The following TMC1 variants were observed in gnomAD, a reference collection of about 807,000 sequenced individuals.
TMC1 encodes the protein transmembrane channel-like protein 1.
In TMC1, 84 loss-of-function variants were observed where a neutral mutation model predicts 105.8. That is an observed-to-expected ratio of 0.79 (90% confidence interval 0.67 to 0.95). TMC1 has a LOEUF of 0.95. Among genes scored for constraint, TMC1 ranks in the 40% least tolerant of loss-of-function variants. The probability of loss-of-function intolerance (pLI) is 0.00; values close to 1 mark genes in which losing one functional copy is unlikely to be tolerated. For synonymous variants in TMC1, 315 were observed against 311.5 expected (o/e 1.01, Z -0.12); for missense variants, 817 against 914.1 (o/e 0.89, Z 1.37).
rs138999071 is a variant in TMC1 at position 72,744,126 on chromosome 9, A to G, written c.535+1601A>G. 6.9e-4 allele frequency among the ~76,000 whole-genome samples: 105 copies of G among 152,342 alleles called. 1 individual carries two copies. The highest frequency in any genetic ancestry group is 2.5e-3 in the African/African-American group (102 of 41,590). On this transcript the variant is annotated intron_variant, in intron 10 of 23. Coordinates refer to ENST00000297784, the MANE Select transcript of TMC1 (RefSeq NM_138691.3). ...TCTCAATATCAGATGGGAATTATTA[A>G]GTGGCAATGAATTAAAATACATCAG... is the stretch of plus-strand genomic sequence containing the variant.
At chr9:72,566,146 G>C (rs1824148859) in intron 1 of TMC1, among the ~76,000 whole-genome samples, 3 of 152,164 alleles carry the variant, frequency 2.0e-5, no homozygotes, top group Admixed American at 1.3e-4. Flanking sequence ...CCTCCCTTCT[G>C]AGTAGCTGGG....
At chr9:72,655,878 C>T in intron 5 of TMC1, 1 of 769,216 alleles carries the variant, frequency 1.3e-6, no homozygotes, top group South Asian at 1.3e-5. Context: ...TGGCTCAATA[C>T]TGATGGAAGT....
intron 1 of TMC1, among the ~76,000 whole-genome samples, chr9:72,546,177 C>T (rs1344511940): frequency 1.3e-5 from 2 of 151,802 alleles, no homozygotes; most frequent in African/African-American, 4.8e-5. Context: ...TCTGTAATCC[C>T]AGCTACTTGA....
intron 5 of TMC1, among the ~76,000 whole-genome samples, chr9:72,649,183 G>A (rs1259190248): frequency 2.6e-5 from 4 of 152,216 alleles, no homozygotes; most frequent in Admixed American, 2.6e-4. Flanking sequence ...AATGAGCAAC[G>A]TGATAAAACA....
At chr9:72,804,464 C>T (rs981650277) in intron 17 of TMC1, among the ~76,000 whole-genome samples, 2 of 152,146 alleles carry the variant, frequency 1.3e-5, no homozygotes, top group South Asian at 2.1e-4. Context: ...TCCAGCATCA[C>T]GATAGCATTT....
intron 15 of TMC1, among the ~76,000 whole-genome samples, chr9:72,791,243 A>G (rs1263690969): frequency 1.3e-5 from 2 of 151,420 alleles, no homozygotes; most frequent in East Asian, 3.9e-4. Context: ...CTCTGAAATT[A>G]TAGCCCATTC....
intron 23 of TMC1, 62 bp downstream of exon 23, chr9:72,830,744 T>C: frequency 6.8e-7 from 1 of 1,469,160 alleles, no homozygotes; most frequent in Non-Finnish European, 9.3e-7. Context: ...CTTTCTTTTT[T>C]TTTTTTTTTT....
intron 23 of TMC1, 65 bp downstream of exon 23, chr9:72,830,747 T>C: frequency 7.0e-7 from 1 of 1,438,576 alleles, no homozygotes; most frequent in East Asian, 2.4e-5. Flanking sequence ...TCTTTTTTTT[T>C]TTTTTTTGCT....
intron 8 of TMC1, among the ~76,000 whole-genome samples, chr9:72,715,870 G>T: frequency 6.6e-6 from 1 of 152,096 alleles, no homozygotes; most frequent in Non-Finnish European, 1.5e-5. Flanking sequence ...CAGCCTTTTC[G>T]CACTGGTTTC....
chr9:72,586,990 G>C (rs1824563617), intron 2 of TMC1, among the ~76,000 whole-genome samples: 1 of 152,130 alleles, frequency 6.6e-6, no homozygotes, highest in Non-Finnish European at 1.5e-5. Context: ...ATTTGGCAAA[G>C]TCTGGAGTGT....
At chr9:72,545,995 G>A (rs1267257532) in intron 1 of TMC1, among the ~76,000 whole-genome samples, 1 of 151,472 alleles carries the variant, frequency 6.6e-6, no homozygotes, top group African/African-American at 2.4e-5. Flanking sequence ...ATAAATTGAT[G>A]GTACAGACTG....
intron 2 of TMC1, among the ~76,000 whole-genome samples, chr9:72,611,106 C>G (rs1825016916): frequency 6.6e-6 from 1 of 152,170 alleles, no homozygotes; most frequent in Non-Finnish European, 1.5e-5. Flanking sequence ...ATGGAAACTA[C>G]TTATTTATAA....
intron 7 of TMC1, among the ~76,000 whole-genome samples, chr9:72,694,974 G>A (rs1826524567): frequency 6.6e-6 from 1 of 152,138 alleles, no homozygotes; most frequent in Non-Finnish European, 1.5e-5. Flanking sequence ...ACATATTACA[G>A]TTAATTTAAA....
intron 2 of TMC1, among the ~76,000 whole-genome samples, chr9:72,609,942 T>C (rs1200245008): frequency 6.6e-6 from 1 of 152,156 alleles, no homozygotes; most frequent in Non-Finnish European, 1.5e-5. Flanking sequence ...TTATGCTCTC[T>C]GGACTACCAC....
chr9:72,610,391 T>C (rs192630037), intron 2 of TMC1, among the ~76,000 whole-genome samples: 2 of 152,278 alleles, frequency 1.3e-5, no homozygotes, highest in East Asian at 3.9e-4. Flanking sequence ...ACCTATGGTG[T>C]AGTCCAGGCT....
chr9:72,596,912 G>A (rs781180500), intron 2 of TMC1, among the ~76,000 whole-genome samples: 4 of 152,168 alleles, frequency 2.6e-5, no homozygotes, highest in Non-Finnish European at 5.9e-5. Context: ...GACTGTCTGC[G>A]CCTTCTAAGT....
chr9:72,717,616 A>G (rs900911655), intron 8 of TMC1, among the ~76,000 whole-genome samples: 1 of 152,216 alleles, frequency 6.6e-6, no homozygotes, highest in Admixed American at 6.5e-5. Context: ...GGATAAAAAT[A>G]GGACCCCAGT....
chr9:72,805,207 T>A (rs1401322206), intron 17 of TMC1, 175 bp from the exon 18 acceptor site: 2 of 521,336 alleles, frequency 3.8e-6, no homozygotes, highest in Non-Finnish European at 6.6e-6. Flanking sequence ...TTTTAAGTAA[T>A]AAAGTCAGGG....
intron 1 of TMC1, among the ~76,000 whole-genome samples, chr9:72,566,501 TG>T (rs1215505418): frequency 6.6e-6 from 1 of 152,092 alleles, no homozygotes; most frequent in Non-Finnish European, 1.5e-5. Flanking sequence ...GAAAGGCCAC[TG>T]TTTCAGGTGG....
Sources: allele counts gnomAD v4.1 joint callset (sites outside exome capture counted in the v4.1 genomes callset), GRCh38; gene constraint gnomAD v4.1.1; transcripts MANE v1.5; gene names NCBI Gene and HGNC (gene_info 2026-07-23, HGNC 2026-07-21).